ZFHX2: variants seen among roughly 807,000 people sequenced by gnomAD.
ZFHX2 encodes the protein zinc finger homeobox 2.
A neutral mutation model predicts 164.8 loss-of-function variants in ZFHX2; 75 were observed. The observed-to-expected ratio is 0.46, with a 90% CI of 0.38 to 0.55. ZFHX2 has a LOEUF of 0.55. Among genes scored for constraint, ZFHX2 ranks in the 20% least tolerant of loss-of-function variants. ZFHX2 has a pLI of 0.00. For missense variants in ZFHX2, 2,933 were observed against 3,308.0 expected (o/e 0.89, Z 2.78); for synonymous variants, 1,217 against 1,351.4 (o/e 0.90, Z 2.18).
chr14:23,554,719 T>A (rs924797329), upstream of ZFHX2, among the ~76,000 whole-genome samples: 1 of 151,978 alleles, frequency 6.6e-6, no homozygotes, highest in Non-Finnish European at 1.5e-5. Context: ...AGTGTCCTTC[T>A]CCCTATAATA....
chr14:23,521,697 G>A lies in ZFHX2; in HGVS notation c.*265C>T. ...GAATAATCAGGGTGCCAAGATGGGT[G>A]TATGTGTCTGTGAAGATGGGCAAGG... On this transcript the variant is annotated 3_prime_UTR_variant, in exon 10 of 10. Transcript: ENST00000419474. 2 of 506,170 alleles carry A rather than the reference G, an allele frequency of 4.0e-6. No individual in the cohort carries two copies. Among genetic ancestry groups the A allele is most frequent in the Non-Finnish European group, 6.9e-6 (2 of 291,052 alleles). The allele number at this position is 506,170 out of a possible 1,614,324, so 31.4% of individuals were successfully genotyped here.
Position 23,526,241 on chromosome 14 carries a change from G to C in ZFHX2, c.3701C>G (p.Ala1234Gly). ...AGCAGTGGTGGTGGGTGGGGCACCG[G>C]CCTCTCCCCGTGCAGGGGCAGAGGG... ...IDPSAPARGE[A>G]GAPPTTTAAT... The change falls in exon 9 of 10, where the codon GCC (alanine) becomes GGC (glycine). Residue 1234 changes from alanine (A) to glycine (G), a missense_variant. Physicochemically the swap from Ala to Gly is moderately conservative, Grantham distance 60. Coordinates refer to ENST00000419474, the MANE Select transcript of ZFHX2 (RefSeq NM_033400.3). The C allele has an allele frequency of 6.5e-7, 1 of 1,536,364 alleles. No homozygotes were observed. Among genetic ancestry groups the C allele is most frequent in the Non-Finnish European group, 8.7e-7 (1 of 1,146,914 alleles).
chr14:23,547,154 A>G (rs1240460630), intron 1 of ZFHX2, among the ~76,000 whole-genome samples: 1 of 152,204 alleles, frequency 6.6e-6, no homozygotes, highest in African/African-American at 2.4e-5. Context: ...GAGTCTTTCA[A>G]CAATGGAGAG....
chr14:23,540,822 C>G (rs903223943), intron 1 of ZFHX2, among the ~76,000 whole-genome samples: 3 of 152,228 alleles, frequency 2.0e-5, no homozygotes, highest in African/African-American at 7.2e-5. Flanking sequence ...TTTTCCTTCT[C>G]TCTTTCCTGT....
chr14:23,536,083 CA>C (rs1466376850), intron 1 of ZFHX2, among the ~76,000 whole-genome samples: 1 of 152,174 alleles, frequency 6.6e-6, no homozygotes, highest in East Asian at 1.9e-4. Context: ...TCACTAACAC[CA>C]TCCTGGGGCC....
At chr14:23,538,504 C>T (rs1217502448) in intron 1 of ZFHX2, among the ~76,000 whole-genome samples, 1 of 152,048 alleles carries the variant, frequency 6.6e-6, no homozygotes. Flanking sequence ...CTACCTTGAA[C>T]TGGAGACAGT....
At position 23,527,624 on chromosome 14, in the gene ZFHX2, C is replaced by T. The variant is rs1055450428; in HGVS notation, c.3115G>A (p.Val1039Ile). ...CTCACTACAAGCAGCAGCTTCTCAA[C>T]GCACTCGGGCACCACGTTGTGAAGG... ...SHLHNVVPEC[V>I]EKLLLVATTV... is the part of the protein sequence containing the mutation. The change falls in exon 7 of 10, where the codon GTT (valine) becomes ATT (isoleucine). Residue 1039 changes from valine to isoleucine, a missense_variant. By Grantham distance (29) the Val-to-Ile change is conservative (BLOSUM62 3). Coordinates refer to ENST00000419474, the MANE Select transcript of ZFHX2 (RefSeq NM_033400.3). The T allele has an allele frequency of 7.3e-5, 112 of 1,536,516 alleles. No individual in the cohort carries two copies. Among genetic ancestry groups the T allele is most frequent in the African/African-American group, 1.6e-4 (12 of 73,050 alleles).
Position 23,533,656 on chromosome 14 carries a change from G to A in ZFHX2, c.1670C>T (p.Ser557Phe). 1.8e-5 allele frequency: 28 copies of A among 1,537,288 alleles called. No individual in the cohort carries two copies. Among genetic ancestry groups the A allele is most frequent in the Non-Finnish European group, 2.4e-5 (27 of 1,147,256 alleles). The stretch of plus-strand genomic sequence containing the variant: ...GGTCTTAGGCTCTTTGTCTCCCGCG[G>A]AGGGTGGGAGTGATGCCTCTGGTGG... The part of the protein sequence containing the change: ...GSPPEASLPP[S>F]AGDKEPKTKS... Residue 557 changes from serine (S) to phenylalanine (F), a missense_variant, in exon 2 of 10, where the codon TCC becomes TTC. By Grantham distance (155) the Ser-to-Phe change is radical. Coordinates refer to ENST00000419474, the MANE Select transcript of ZFHX2 (RefSeq NM_033400.3). This position sits in a 1 kb window ranked among gnomAD's most constrained non-coding sequence, Gnocchi z 4.8.
At chr14:23,543,193 T>G (rs757847074) in intron 1 of ZFHX2, 1 of 152,278 alleles carries the variant, frequency 6.6e-6, no homozygotes, top group African/African-American at 2.4e-5. Context: ...CCAGGCACCG[T>G]GCTAGGCCCT....
rs1595128687 is a variant in ZFHX2, at chr14:23,522,080, A to G, written c.7601T>C (p.Ile2534Thr). The change falls in exon 10 of 10, where the codon ATC becomes ACC. Residue 2534 changes from isoleucine to threonine, a missense_variant. Coordinates refer to ENST00000419474, the MANE Select transcript of ZFHX2 (RefSeq NM_033400.3). Reference sequence around the variant, plus strand: ...CGAGGCAGCAGTGGCGGCGTTGGTGATGGAGATGGGTGGGCCCCCTTGAGG... The same window carrying G: ...CGAGGCAGCAGTGGCGGCGTTGGTGGTGGAGATGGGTGGGCCCCCTTGAGG... ...APPQGGPPIS[I>T]TNAATAASAA... 9 of 1,536,192 alleles carry G rather than the reference A, an allele frequency of 5.9e-6. No homozygotes were observed. In the East Asian group the frequency reaches 2.2e-4, roughly 38 times the overall value.
In ZFHX2 at chr14:23,521,666, A is replaced by G. The variant is rs559357507; in HGVS notation, c.*296T>C. ...TATATTTTGTGTGTGGTAGGCAGAC[A>G]TGTATGAATAATCAGGGTGCCAAGA... On this transcript the variant is annotated 3_prime_UTR_variant, in exon 10 of 10. Transcript: ENST00000419474. 5.0e-4 allele frequency: 193 copies of G among 386,120 alleles called. 2 individuals carry two copies. The highest frequency in any genetic ancestry group is 8.2e-4 in the Non-Finnish European group (175 of 214,208). The allele number at this position is 386,120 out of a possible 1,614,324, so 23.9% of individuals were successfully genotyped here. A position where few individuals can be genotyped will look rare whatever the true frequency, so the allele number is the denominator to read the frequency against.
In ZFHX2 at chr14:23,525,431, C is replaced by A. The variant is rs1170817803; in HGVS notation, c.4511G>T (p.Arg1504Leu). 6.5e-7 allele frequency: 1 copy of A among 1,536,096 alleles called. No individual in the cohort carries two copies. The highest frequency in any genetic ancestry group is 1.4e-5 in the African/African-American group (1 of 73,148). Residue 1504 changes from arginine (R) to leucine (L), a missense_variant, in exon 9 of 10, where the codon CGC becomes CTC. Coordinates refer to ENST00000419474, the MANE Select transcript of ZFHX2 (RefSeq NM_033400.3). This position sits in a 1 kb window ranked among gnomAD's most constrained non-coding sequence, Gnocchi z 5.9. ...CAGGGCTTCAAAGGGCAGAAAGCGGCGGTGGACATGTTCCTCGTGTGTCTT... is the reference window on the plus strand; with the variant it reads ...CAGGGCTTCAAAGGGCAGAAAGCGGAGGTGGACATGTTCCTCGTGTGTCTT... ...ILKTHEEHVH[R>L]RFLPFEALSR...
chr14:23,527,835 T>G (rs1438330951), intron 6 of ZFHX2, 31 bp from the exon 7 acceptor site: 2 of 1,528,436 alleles, frequency 1.3e-6, no homozygotes, highest in Non-Finnish European at 1.7e-6. Flanking sequence ...GTGGACGAAG[T>G]GTCAGGGAAG....
rs1881914547 is a variant in ZFHX2 at position 23,551,164 on chromosome 14, T to A, written c.-50+179A>T. Among the ~76,000 whole-genome samples the A allele has an allele frequency of 6.6e-6, 1 of 151,726 alleles. No individual in the cohort carries two copies. On this transcript the variant is annotated intron_variant, in intron 1 of 9. Coordinates refer to ENST00000419474, the MANE Select transcript of ZFHX2 (RefSeq NM_033400.3). The surrounding 1 kb of genome is among the most constrained non-coding windows in gnomAD (Gnocchi z 5.3). The stretch of plus-strand genomic sequence containing the variant: ...TATCTCCCAGGGCTCTCGGTCTGTC[T>A]GTCCGTCCGTCCTTGTCCCCTCCCC...
intron 1 of ZFHX2, among the ~76,000 whole-genome samples, chr14:23,549,510 T>C (rs1023017676): frequency 2.0e-5 from 3 of 152,104 alleles, no homozygotes; most frequent in Admixed American, 6.6e-5. Context: ...TTACATACGA[T>C]AGCTTTTATT....
In ZFHX2 at chr14:23,534,622, A is replaced by C. The variant is rs549586568; in HGVS notation, c.704T>G (p.Val235Gly). The change falls in exon 2 of 10, where the codon GTC becomes GGC. Residue 235 changes from valine to glycine, a missense_variant. Transcript: ENST00000419474. The surrounding 1 kb of genome is among the most constrained non-coding windows in gnomAD (Gnocchi z 4.5). ...MGNSGGNHVA[V>G]FWLCLLCRLG... Reference sequence around the variant, plus strand: ...GCGGCACAGAAGGCAGAGCCAGAAGACCGCCACGTGGTTGCCCCCGCTGTT... The same window carrying C: ...GCGGCACAGAAGGCAGAGCCAGAAGCCCGCCACGTGGTTGCCCCCGCTGTT... 24 of 1,536,084 alleles carry C rather than the reference A, an allele frequency of 1.6e-5. No homozygotes were observed. In the African/African-American group the frequency reaches 3.3e-4, roughly 21 times the overall value.
rs1441387244 is a variant in ZFHX2 at position 23,524,925 on chromosome 14, T to C, written c.5017A>G (p.Arg1673Gly). 5 of 1,536,150 alleles carry C rather than the reference T, an allele frequency of 3.3e-6. No homozygotes were observed. Among genetic ancestry groups the C allele is most frequent in the Non-Finnish European group, 4.4e-6 (5 of 1,146,932 alleles). ...CAGGAGAAAGTGGCGTGGCAACGCC[T>C]GCAGCCGGAGGCTCCCCCAGTGCCT... Reference protein sequence around the residue: ...GGGTGGASGCRRCHATFSCVF... With the variant: ...GGGTGGASGCGRCHATFSCVF... Residue 1673 changes from arginine to glycine, a missense_variant, in exon 9 of 10, where the codon AGG (arginine) becomes GGG (glycine). Physicochemically the swap from Arg to Gly is moderately radical, Grantham distance 125. Transcript: ENST00000419474. The surrounding 1 kb of genome is among the most constrained non-coding windows in gnomAD (Gnocchi z 5.6).
chr14:23,555,354 A>T (rs1286181234), upstream of ZFHX2, among the ~76,000 whole-genome samples: 1 of 152,144 alleles, frequency 6.6e-6, no homozygotes, highest in Non-Finnish European at 1.5e-5. Flanking sequence ...CTGCTTAGGG[A>T]CCGCTGGAAA....
In ZFHX2 at chr14:23,525,391, AG is replaced by A. The variant is rs770600569; in HGVS notation, c.4550del (p.Ala1517ValfsTer61). The A allele has an allele frequency of 6.5e-7, 1 of 1,536,038 alleles. No individual in the cohort carries two copies. The highest frequency in any genetic ancestry group is 1.2e-5 in the South Asian group (1 of 84,062). ...GGCTGTCATAGCTCTTTCGAAACTG[AG>A]CAGCATAACGGCTCAGGGCTTCAAA... ...LPFEALSRYA[A>X]QFRKSYDSLY... On this transcript the variant is annotated frameshift_variant, in exon 9 of 10. Coordinates refer to ENST00000419474, the MANE Select transcript of ZFHX2 (RefSeq NM_033400.3). LOFTEE classifies it high-confidence loss of function. This position sits in a 1 kb window ranked among gnomAD's most constrained non-coding sequence, Gnocchi z 5.9.
Sources: gnomAD v4.1 joint callset for allele counts (sites outside exome capture counted in the v4.1 genomes callset) on GRCh38, gnomAD v4.1.1 for gene constraint, Gnocchi (gnomAD v3.1) non-coding constraint, MANE v1.5 for transcripts, NCBI Gene and HGNC (gene_info 2026-07-23, HGNC 2026-07-21) for gene names.